CLIP4: variants seen among roughly 807,000 people sequenced by gnomAD.
CLIP4 encodes the protein CAP-Gly domain containing linker protein family member 4.
In CLIP4, 47 loss-of-function variants were observed where a neutral mutation model predicts 73.1. The ratio of observed to expected loss-of-function variants is 0.64; its 90% CI spans 0.51 to 0.82. The LOEUF is 0.82. Ranked by LOEUF, CLIP4 falls within the 40% of genes least tolerant of loss-of-function variation. The pLI is 0.00. For synonymous variants in CLIP4, 306 were observed against 295.4 expected (o/e 1.04, Z -0.37); for missense variants, 874 against 852.9 (o/e 1.02, Z -0.31).
chr2:29,152,857 G>A, intron 9 of CLIP4, 29 bp downstream of exon 9: 1 of 1,600,736 alleles, frequency 6.2e-7, no homozygotes, highest in Non-Finnish European at 8.5e-7. Flanking sequence ...TTAACCATCT[G>A]CTTCAGTGTT....
At chr2:29,117,246 A>G (rs1227832124) in intron 1 of CLIP4, among the ~76,000 whole-genome samples, 3 of 152,222 alleles carry the variant, frequency 2.0e-5, no homozygotes, top group Non-Finnish European at 2.9e-5. Context: ...CTAGCCACAT[A>G]TAGCTTTTGA....
chr2:29,175,471 C>T (rs1230151665), intron 15 of CLIP4: 1 of 152,118 alleles, frequency 6.6e-6, no homozygotes, highest in African/African-American at 2.4e-5. Context: ...GAAGAAACAC[C>T]CAGGACATAA....
upstream of CLIP4, chr2:29,114,938 G>T (rs778570628): frequency 6.6e-6 from 1 of 152,352 alleles, no homozygotes; most frequent in Non-Finnish European, 1.5e-5. Context: ...ACGACTTTAG[G>T]TGCACAGTTT....
upstream of CLIP4, chr2:29,114,960 G>C (rs563442374): frequency 1.3e-5 from 2 of 152,588 alleles, no homozygotes; most frequent in African/African-American, 4.8e-5. Flanking sequence ...ACCCTGTCTG[G>C]TCCTTGGGAG....
chr2:29,157,184 A>G lies in CLIP4; in HGVS notation c.1256-20A>G, dbSNP rs1425947807. On this transcript the variant is annotated intron_variant, in intron 10 of 15. Transcript: ENST00000320081. ...CACATCTTATTTTCCACCGTTTGAC[A>G]CGTTCTTTATCTGTTACAGTTGCCC... The G allele has an allele frequency of 6.2e-7, 1 of 1,610,690 alleles. No individual in the cohort carries two copies.
At chr2:29,170,468 T>G (rs554898074) in intron 14 of CLIP4, among the ~76,000 whole-genome samples, 1 of 152,348 alleles carries the variant, frequency 6.6e-6, no homozygotes, top group Admixed American at 6.5e-5. Flanking sequence ...TGTTTGCTAT[T>G]TTCTTGTTGT....
At position 29,157,137 on chromosome 2, in the gene CLIP4, C is replaced by T; in HGVS notation, c.1256-67C>T. On this transcript the variant is annotated intron_variant, in intron 10 of 15. Coordinates refer to ENST00000320081, the MANE Select transcript of CLIP4 (RefSeq NM_024692.6). ...AATGAAGAATTTCAGAAAGATTTGC[C>T]TTGACAAGCTGCTTCTTGGTCCACA... 4.3e-6 allele frequency: 6 copies of T among 1,405,334 alleles called. No homozygotes were observed. The South Asian group carries it at 5.8e-5, about 14-fold the overall frequency. The allele number at this position is 1,405,334 out of a possible 1,614,324, so 87.1% of individuals were successfully genotyped here.
At chr2:29,157,464 T>C in intron 11 of CLIP4, 117 bp downstream of exon 11, 1 of 1,532,188 alleles carries the variant, frequency 6.5e-7, no homozygotes, top group Non-Finnish European at 9.0e-7. Context: ...CAGATTGAAC[T>C]ACTTTTACTC....
upstream of CLIP4, among the ~76,000 whole-genome samples, chr2:29,111,592 T>C (rs571123088): frequency 1.3e-5 from 2 of 152,396 alleles, no homozygotes; most frequent in South Asian, 4.1e-4. Context: ...TCTATTCTTA[T>C]ACTTTTCTCA....
intron 15 of CLIP4, among the ~76,000 whole-genome samples, chr2:29,176,516 C>T (rs186881791): frequency 1.3e-5 from 2 of 152,292 alleles, no homozygotes; most frequent in Admixed American, 6.5e-5. Flanking sequence ...ACAGATTTTT[C>T]TCGATCACGT....
intron 2 of CLIP4, among the ~76,000 whole-genome samples, chr2:29,122,038 AT>A (rs1664283519): frequency 6.6e-6 from 1 of 152,208 alleles, no homozygotes; most frequent in East Asian, 1.9e-4. Flanking sequence ...GAACCAGGAG[AT>A]AAATTTGATA....
In CLIP4 at chr2:29,144,015, A is replaced by AT; in HGVS notation, c.885+71dup. 4.2e-6 allele frequency: 3 copies of AT among 707,072 alleles called. No individual in the cohort carries two copies. In the South Asian group the frequency reaches 8.7e-5, roughly 20 times the overall value. The allele number at this position is 707,072 out of a possible 1,614,324, so 43.8% of individuals were successfully genotyped here. ...CATGACCTATGTTCAAGGACACAGT[A>AT]TGGTCAGAGTTTTGAGTTTTTGAAA... On this transcript the variant is annotated intron_variant, in intron 7 of 15. Transcript: ENST00000320081.
intron 11 of CLIP4, among the ~76,000 whole-genome samples, chr2:29,159,000 G>C (rs567314476): frequency 1.3e-5 from 2 of 152,214 alleles, no homozygotes; most frequent in Non-Finnish European, 2.9e-5. Context: ...GGACGGGCCT[G>C]AGGATTTCTG....
intron 1 of CLIP4, among the ~76,000 whole-genome samples, chr2:29,116,987 C>T (rs1011332308): frequency 2.0e-5 from 3 of 152,178 alleles, no homozygotes; most frequent in African/African-American, 7.2e-5. Flanking sequence ...CAACTTCACT[C>T]TTTCTCCCTG....
At chr2:29,158,072 A>G (rs1215185088) in intron 11 of CLIP4, among the ~76,000 whole-genome samples, 2 of 152,232 alleles carry the variant, frequency 1.3e-5, no homozygotes, top group Admixed American at 1.3e-4. Flanking sequence ...AGAAACCTCC[A>G]AAGCTCTCAA....
chr2:29,127,195 T>C (rs1050618727), intron 2 of CLIP4, among the ~76,000 whole-genome samples: 2 of 152,130 alleles, frequency 1.3e-5, no homozygotes, highest in South Asian at 4.1e-4. Flanking sequence ...TTTATTGGTT[T>C]TGTAAAGTCA....
At chr2:29,180,670 A>G (rs1668595025) in intron 15 of CLIP4, among the ~76,000 whole-genome samples, 1 of 152,206 alleles carries the variant, frequency 6.6e-6, no homozygotes, top group African/African-American at 2.4e-5. Context: ...ATTTAAATTT[A>G]CTACACTGTC....
chr2:29,101,102 C>T (rs1668029688), intron 1 of CLIP4, among the ~76,000 whole-genome samples: 1 of 151,906 alleles, frequency 6.6e-6, no homozygotes, highest in South Asian at 2.1e-4. Flanking sequence ...CCAGCATGGC[C>T]AACATGGTGA....
At chr2:29,115,208 G>A (rs1416174947), upstream of CLIP4, 1 of 152,294 alleles carries the variant, frequency 6.6e-6, no homozygotes, top group African/African-American at 2.4e-5. This position sits in a 1 kb window ranked among gnomAD's most constrained non-coding sequence, Gnocchi z 5.1. Flanking sequence ...AGAGACGTGA[G>A]GCCGCGAGGC....
Sources: gnomAD v4.1 joint callset for allele counts (sites outside exome capture counted in the v4.1 genomes callset) on GRCh38, gnomAD v4.1.1 for gene constraint, Gnocchi (gnomAD v3.1) non-coding constraint, MANE v1.5 for transcripts, NCBI Gene and HGNC (gene_info 2026-07-23, HGNC 2026-07-21) for gene names.